The following ESR1 variants were observed in gnomAD, a reference collection of about 807,000 sequenced individuals.
The protein encoded by ESR1 is estrogen receptor.
ESR1 carries 12 observed loss-of-function variants against 52.7 expected under a neutral mutation model. The observed-to-expected ratio is 0.23, with a 90% confidence interval of 0.15 to 0.37. The LOEUF is 0.37. Ranked by LOEUF, ESR1 falls within the 10% of genes least tolerant of loss-of-function variation. The probability of loss-of-function intolerance (pLI) is 1.00; values close to 1 mark genes in which losing one functional copy is unlikely to be tolerated. For synonymous variants in ESR1, 305 were observed against 316.8 expected (o/e 0.96, Z 0.39); for missense variants, 584 against 779.7 (o/e 0.75, Z 2.99).
rs576740388 is a variant in ESR1 at position 151,882,984 on chromosome 6, G to A, written c.760+2213G>A. Among the ~76,000 whole-genome samples the A allele has an allele frequency of 2.0e-5, 3 of 152,236 alleles. No homozygotes were observed. In the South Asian group the frequency reaches 6.2e-4, roughly 32 times the overall value. ...ATTGATGACTGTAAAATATATATCT[G>A]TATTAGTTTTCTAGGGCTGCCATAA... On this transcript the variant is annotated intron_variant, in intron 3 of 7. Transcript: ENST00000206249.
chr6:151,844,885 G>A (rs957701687), intron 2 of ESR1, among the ~76,000 whole-genome samples: 42 of 152,040 alleles, frequency 2.8e-4, no homozygotes, highest in African/African-American at 1.0e-3. Flanking sequence ...GGAAGTAAAT[G>A]TACTTGTTCT....
intron 1 of ESR1, among the ~76,000 whole-genome samples, chr6:151,827,824 C>T (rs1283825887): frequency 6.6e-6 from 1 of 152,078 alleles, no homozygotes; most frequent in African/African-American, 2.4e-5. Context: ...CAGCATAGTC[C>T]ATTTACCGAA....
chr6:151,758,821 C>T (rs1784459265), intron 2 of ESR1, among the ~76,000 whole-genome samples: 1 of 151,244 alleles, frequency 6.6e-6, no homozygotes, highest in Admixed American at 6.6e-5. Context: ...CAGTGACTCA[C>T]CCAGGGTCTC....
At chr6:151,812,192 A>C (rs1298670497) in intron 1 of ESR1, among the ~76,000 whole-genome samples, 1 of 152,228 alleles carries the variant, frequency 6.6e-6, no homozygotes, top group Non-Finnish European at 1.5e-5. Context: ...ATGAGACAAT[A>C]GTAACTTTGT....
chr6:151,957,833 A>G (rs118167488), intron 4 of ESR1, among the ~76,000 whole-genome samples: 1,600 of 152,264 alleles, frequency 0.011, 18 homozygotes, highest in African/African-American at 0.027. Flanking sequence ...GACAAAGTTT[A>G]TTTTTTTCTC....
intron 6 of ESR1, among the ~76,000 whole-genome samples, chr6:152,124,139 A>G (rs1349549204): frequency 6.6e-6 from 1 of 152,142 alleles, no homozygotes. Flanking sequence ...CCTGGCCAAC[A>G]TGGTAAAAAT....
In ESR1 at chr6:151,851,687, C is replaced by T. The variant is rs187590067; in HGVS notation, c.643+8900C>T. On this transcript the variant is annotated intron_variant, in intron 2 of 7. Transcript: ENST00000206249. ...GGATTACAGGCGTCCACCACCATGC[C>T]TGGCTAGTTTTTATATTTTTAGTAG... Among the ~76,000 whole-genome samples the T allele has an allele frequency of 5.2e-3, 790 of 152,238 alleles. 5 individuals are homozygous for T. Among genetic ancestry groups the T allele is most frequent in the Non-Finnish European group, 9.0e-3 (614 of 68,016 alleles).
chr6:151,672,045 C>A (rs754866680), intron 1 of ESR1, among the ~76,000 whole-genome samples: 32 of 152,194 alleles, frequency 2.1e-4, no homozygotes, highest in Admixed American at 5.9e-4. Flanking sequence ...GTTGCCCAGG[C>A]TGGTCTCAGA....
intron 3 of ESR1, among the ~76,000 whole-genome samples, chr6:151,920,323 G>A (rs1267829980): frequency 6.1e-5 from 9 of 148,752 alleles, no homozygotes; most frequent in Non-Finnish European, 1.2e-4. Flanking sequence ...TTTGAAGAAA[G>A]CAAACTTTAA....
At chr6:151,969,069 G>C (rs567434600) in intron 4 of ESR1, among the ~76,000 whole-genome samples, 20 of 152,000 alleles carry the variant, frequency 1.3e-4, no homozygotes, top group Admixed American at 5.9e-4. Flanking sequence ...AGTTCTCTAC[G>C]CCGTTCTGAA....
chr6:151,686,894 A>G (rs943731825), upstream of ESR1, among the ~76,000 whole-genome samples: 2 of 152,208 alleles, frequency 1.3e-5, no homozygotes, highest in Non-Finnish European at 2.9e-5. Flanking sequence ...ATAGCCAACC[A>G]TGCGGCTATA....
intron 3 of ESR1, among the ~76,000 whole-genome samples, chr6:151,886,019 T>G (rs1392025523): frequency 1.3e-5 from 2 of 152,046 alleles, no homozygotes; most frequent in African/African-American, 4.8e-5. Flanking sequence ...AGTTAAAAAT[T>G]TCATCATATA....
In ESR1 at chr6:152,011,696, A is replaced by C. The variant is rs17847067; in HGVS notation, c.1137A>C (p.Leu379=). 4.5e-5 allele frequency: 73 copies of C among 1,613,148 alleles called. 1 individual carries two copies. In the Admixed American group the frequency reaches 1.2e-3, roughly 26 times the overall value. The change falls in exon 5 of 8, where the codon CTA becomes CTC. Residue 379 remains leucine (L), a synonymous_variant. Transcript: ENST00000206249. The part of the protein sequence containing the change: ...DLTLHDQVHL[L]ECAWLEILMI... ...CCCTCCATGATCAGGTCCACCTTCT[A>C]GAATGTGCCTGGCTAGAGATCCTGA... is the stretch of plus-strand genomic sequence containing the variant.
At chr6:151,732,172 A>G (rs778901599) in intron 2 of ESR1, among the ~76,000 whole-genome samples, 13 of 152,216 alleles carry the variant, frequency 8.5e-5, no homozygotes, top group Admixed American at 1.3e-4. Context: ...TTTCTCTTCT[A>G]TGAGAACATT....
intron 1 of ESR1, among the ~76,000 whole-genome samples, chr6:151,663,143 T>C (rs909080819): frequency 6.6e-6 from 1 of 152,232 alleles, no homozygotes; most frequent in Non-Finnish European, 1.5e-5. Flanking sequence ...TGGTGATTAT[T>C]TAATCGCATG....
At chr6:151,819,972 C>A (rs1009168457) in intron 1 of ESR1, among the ~76,000 whole-genome samples, 1 of 152,122 alleles carries the variant, frequency 6.6e-6, no homozygotes, top group Admixed American at 6.5e-5. Flanking sequence ...AGATTGGGAA[C>A]ATTGTCATCA....
At chr6:151,800,307 C>T (rs11964281), upstream of ESR1, among the ~76,000 whole-genome samples, 11,892 of 152,000 alleles carry the variant, frequency 0.078, 560 homozygotes, top group Non-Finnish European at 0.092. Context: ...CTCAGAAGAG[C>T]CTGAGCAGGA....
At chr6:151,670,762 G>GTTT (rs35606990) in intron 1 of ESR1, among the ~76,000 whole-genome samples, 991 of 85,718 alleles carry the variant, frequency 0.012, 4 homozygotes, top group Middle Eastern at 0.023. Flanking sequence ...TTTTGTTTTC[G>GTTT]TTTTTTTTTT....
rs1273094040 is a variant in ESR1, at chr6:151,898,422, G to A, written c.760+17651G>A. Among the ~76,000 whole-genome samples the A allele has an allele frequency of 5.4e-5, 5 of 92,232 alleles. No homozygotes were observed. In the East Asian group the frequency reaches 1.2e-3, roughly 22 times the overall value. The allele number at this position is 92,232 out of a possible 152,430, so 60.5% of individuals were successfully genotyped here. On this transcript the variant is annotated intron_variant, in intron 3 of 7. Transcript: ENST00000206249. ...TTTCTTTTCTTTTTTTTTTTTAATT[G>A]ATCATTCTTGGGTGTTTCTCGCAGA...
Sources: allele counts gnomAD v4.1 joint callset (sites outside exome capture counted in the v4.1 genomes callset), GRCh38; gene constraint gnomAD v4.1.1; transcripts MANE v1.5; gene names NCBI Gene and HGNC (gene_info 2026-07-23, HGNC 2026-07-21).